Variants in DLG2 observed in about 807,000 individuals in gnomAD.
DLG2 encodes disks large homolog 2.
In DLG2, 45 loss-of-function variants were observed where a neutral mutation model predicts 132.5. The ratio of observed to expected loss-of-function variants is 0.34; its 90% confidence interval spans 0.27 to 0.44. DLG2 has a LOEUF of 0.44. Among genes scored for constraint, DLG2 ranks in the 20% least tolerant of loss-of-function variants. DLG2 has a pLI of 1.00. For synonymous variants in DLG2, 424 were observed against 419.6 expected, an observed-to-expected ratio of 1.01 and a Z score of -0.13; for missense variants, 1,045 against 1,196.9, an observed-to-expected ratio of 0.87 and a Z score of 1.87.
intron 6 of DLG2, among the ~76,000 whole-genome samples, chr11:84,662,112 T>G (rs1036434246): frequency 3.3e-5 from 5 of 151,794 alleles, no homozygotes; most frequent in Non-Finnish European, 7.4e-5. Flanking sequence ...TCCTCTCACA[T>G]CATCCTGGTT....
chr11:84,488,267 G>T (rs948788577), intron 7 of DLG2, among the ~76,000 whole-genome samples: 4 of 152,100 alleles, frequency 2.6e-5, no homozygotes, highest in Non-Finnish European at 5.9e-5. Flanking sequence ...AGACAATAGA[G>T]AAACAGGAGG....
intron 6 of DLG2, among the ~76,000 whole-genome samples, chr11:84,825,150 A>G (rs1452160025): frequency 2.6e-5 from 4 of 151,902 alleles, no homozygotes; most frequent in African/African-American, 9.7e-5. Context: ...AGCTCTGGGC[A>G]CAGTGTGATA....
intron 6 of DLG2, among the ~76,000 whole-genome samples, chr11:84,939,775 A>C (rs10751117): frequency 2.2e-4 from 33 of 152,216 alleles, no homozygotes; most frequent in Non-Finnish European, 2.9e-5. Flanking sequence ...TAGTGGATGA[A>C]TAGTATTCCA....
chr11:83,929,911 A>C (rs775327526), intron 15 of DLG2, among the ~76,000 whole-genome samples: 8 of 152,206 alleles, frequency 5.3e-5, no homozygotes, highest in African/African-American at 1.2e-4. Flanking sequence ...ATAATAGTGC[A>C]TATTTCTTAG....
intron 3 of DLG2, among the ~76,000 whole-genome samples, chr11:85,569,921 T>G (rs1196874484): frequency 6.6e-6 from 1 of 152,074 alleles, no homozygotes; most frequent in Non-Finnish European, 1.5e-5. Flanking sequence ...AAAAGATACA[T>G]GCACTCACAT....
intron 18 of DLG2, among the ~76,000 whole-genome samples, chr11:83,777,288 A>T (rs2153838982): frequency 6.6e-6 from 1 of 152,284 alleles, no homozygotes. Context: ...GCAATTTGGA[A>T]TTTTTGTCTT....
intron 6 of DLG2, among the ~76,000 whole-genome samples, chr11:85,024,195 T>G (rs1263701370): frequency 6.6e-6 from 1 of 152,088 alleles, no homozygotes; most frequent in Non-Finnish European, 1.5e-5. Flanking sequence ...GTTAAGGCAT[T>G]TGTAAAATGA....
chr11:84,268,523 G>A (rs1352205904), intron 7 of DLG2, among the ~76,000 whole-genome samples: 6 of 149,484 alleles, frequency 4.0e-5, no homozygotes, highest in East Asian at 3.9e-4. Flanking sequence ...GTGCAGTGGC[G>A]CGATCTCGGC....
At chr11:85,052,091 T>G (rs1356478595) in intron 6 of DLG2, among the ~76,000 whole-genome samples, 1 of 152,178 alleles carries the variant, frequency 6.6e-6, no homozygotes, top group Non-Finnish European at 1.5e-5. Context: ...AAGAAAAGAC[T>G]GAGCATATTT....
At chr11:83,719,194 TG>T (rs1463931460) in intron 18 of DLG2, among the ~76,000 whole-genome samples, 1 of 152,176 alleles carries the variant, frequency 6.6e-6, no homozygotes, top group Non-Finnish European at 1.5e-5. Flanking sequence ...ATATGGCACT[TG>T]GGACACATTG....
At chr11:84,556,011 C>G (rs1016715118) in intron 6 of DLG2, among the ~76,000 whole-genome samples, 2 of 152,168 alleles carry the variant, frequency 1.3e-5, no homozygotes, top group African/African-American at 4.8e-5. Context: ...TAGGAAGCAT[C>G]TAGGGGCCAC....
At chr11:83,905,403 T>C (rs537207642) in intron 15 of DLG2, among the ~76,000 whole-genome samples, 1 of 152,318 alleles carries the variant, frequency 6.6e-6, no homozygotes, top group South Asian at 2.1e-4. Context: ...CCTCTAGTCT[T>C]ATTTCCTCAA....
intron 4 of DLG2, among the ~76,000 whole-genome samples, chr11:85,182,804 A>C (rs1402797114): frequency 1.3e-5 from 2 of 150,764 alleles, no homozygotes; most frequent in African/African-American, 4.9e-5. Flanking sequence ...AAGAAAAAAA[A>C]GGGGAGGCAC....
intron 8 of DLG2, among the ~76,000 whole-genome samples, chr11:84,246,835 T>C (rs1327077350): frequency 2.6e-5 from 4 of 152,178 alleles, no homozygotes; most frequent in African/African-American, 9.6e-5. Flanking sequence ...GCAGCTGTCC[T>C]AGCTAACTGA....
chr11:84,998,904 C>T lies in DLG2; in HGVS notation c.357+112757G>A, dbSNP rs143784426. On this transcript the variant is annotated intron_variant, in intron 6 of 27. Transcript: ENST00000376104. ...GTAGCCCTGCTTCGCCTTCTACTTA[C>T]AGTGAGGATTCTCTCTGTTTTCAAC... Among the ~76,000 whole-genome samples the T allele has an allele frequency of 1.4e-4, 22 of 152,086 alleles. No homozygotes were observed. The East Asian group carries it at 4.3e-3, about 29-fold the overall frequency.
At chr11:83,927,899 A>G (rs2374465) in intron 15 of DLG2, among the ~76,000 whole-genome samples, 79,300 of 151,582 alleles carry the variant, frequency 0.52, 23,348 homozygotes, top group East Asian at 0.86. Context: ...AATGGCAGAT[A>G]TGAGGGAAAA....
intron 3 of DLG2, among the ~76,000 whole-genome samples, chr11:85,476,990 G>A (rs1197025055): frequency 1.3e-5 from 2 of 152,240 alleles, no homozygotes; most frequent in Admixed American, 6.5e-5. Context: ...ATGACTGGCA[G>A]TGCAATAGGT....
At chr11:84,323,720 C>CTT (rs35283044) in intron 7 of DLG2, among the ~76,000 whole-genome samples, 26 of 123,762 alleles carry the variant, frequency 2.1e-4, no homozygotes, top group Non-Finnish European at 3.5e-4. Context: ...TTCTTTTTTC[C>CTT]TTTTTTTTTT....
chr11:83,790,577 G>A, intron 17 of DLG2: 1 of 1,313,592 alleles, frequency 7.6e-7, no homozygotes, highest in Non-Finnish European at 1.1e-6. Context: ...CAGCCATGTG[G>A]GCTTCTGTGC....
Sources: gnomAD v4.1 joint callset for allele counts (sites outside exome capture counted in the v4.1 genomes callset) on GRCh38, gnomAD v4.1.1 for gene constraint, MANE v1.5 for transcripts, NCBI Gene and HGNC (gene_info 2026-07-23, HGNC 2026-07-21) for gene names.